Variants in RIN2 observed in about 807,000 individuals in gnomAD.
RIN2 encodes the protein Ras and Rab interactor 2.
Under a neutral mutation model 78.0 loss-of-function variants are expected in RIN2, and 36 were observed. That is an observed-to-expected ratio of 0.46 (90% CI 0.35 to 0.61). The LOEUF (loss-of-function observed/expected upper bound fraction) is 0.61. Ranked by LOEUF, RIN2 falls within the 20% of genes least tolerant of loss-of-function variation. The pLI, the probability that RIN2 is intolerant of heterozygous loss-of-function variation, is 0.00. For synonymous variants in RIN2, 466 were observed against 466.8 expected (o/e 1.00, Z 0.02); for missense variants, 1,087 against 1,159.7 (o/e 0.94, Z 0.91).
intron 2 of RIN2, among the ~76,000 whole-genome samples, chr20:19,828,874 G>A (rs939804457): frequency 4.6e-5 from 7 of 151,938 alleles, no homozygotes; most frequent in East Asian, 1.9e-4. Flanking sequence ...TGGTCCAACC[G>A]GCTACGTCGT....
intron 1 of RIN2, among the ~76,000 whole-genome samples, chr20:19,765,382 T>C (rs947449588): frequency 6.6e-6 from 1 of 152,188 alleles, no homozygotes; most frequent in Non-Finnish European, 1.5e-5. Flanking sequence ...CACTGATCCC[T>C]GGGGTGGCTG....
intron 2 of RIN2, among the ~76,000 whole-genome samples, chr20:19,883,742 G>A (rs1475545034): frequency 1.3e-5 from 2 of 152,100 alleles, no homozygotes; most frequent in African/African-American, 2.4e-5. Context: ...CTTCTGTGGT[G>A]TGGACAAGGT....
At chr20:19,961,804 A>AG (rs2041760517) in intron 6 of RIN2, among the ~76,000 whole-genome samples, 1 of 152,158 alleles carries the variant, frequency 6.6e-6, no homozygotes, top group Admixed American at 6.5e-5. Context: ...CATGGATGCC[A>AG]GGGAAAAACT....
chr20:19,781,520 T>C (rs1600438456), intron 1 of RIN2, among the ~76,000 whole-genome samples: 1 of 152,180 alleles, frequency 6.6e-6, no homozygotes. Flanking sequence ...CCCCGTCTTC[T>C]GGGTTCAAGT....
At chr20:19,822,444 G>A (rs2035953078) in intron 2 of RIN2, among the ~76,000 whole-genome samples, 2 of 152,192 alleles carry the variant, frequency 1.3e-5, no homozygotes, top group African/African-American at 4.8e-5. Flanking sequence ...CAGGAAGTAA[G>A]GAGCTCCAAA....
chr20:19,869,806 T>A (rs2037629868), intron 2 of RIN2, among the ~76,000 whole-genome samples: 1 of 148,980 alleles, frequency 6.7e-6, no homozygotes, highest in African/African-American at 2.5e-5. Context: ...ATTTATTTAT[T>A]TATTTATTTA....
At chr20:19,873,448 AG>A (rs2037753937) in intron 2 of RIN2, among the ~76,000 whole-genome samples, 1 of 152,168 alleles carries the variant, frequency 6.6e-6, no homozygotes, top group Non-Finnish European at 1.5e-5. Flanking sequence ...TTTTCTGGAA[AG>A]GACCAGATAA....
chr20:19,949,726 G>A (rs918072660), intron 4 of RIN2, among the ~76,000 whole-genome samples: 4 of 152,272 alleles, frequency 2.6e-5, no homozygotes, highest in Middle Eastern at 6.8e-3. Flanking sequence ...TGCAAGGGAG[G>A]CTTCATAGCA....
intron 2 of RIN2, among the ~76,000 whole-genome samples, chr20:19,883,420 C>T (rs1600691295): frequency 6.6e-6 from 1 of 151,194 alleles, no homozygotes; most frequent in Admixed American, 6.6e-5. Flanking sequence ...GCTCCCAGCA[C>T]CTTTGACCTC....
chr20:19,887,936 G>A (rs2038269199), intron 2 of RIN2, among the ~76,000 whole-genome samples: 1 of 152,322 alleles, frequency 6.6e-6, no homozygotes, highest in South Asian at 2.1e-4. Context: ...TCCCCAAGGT[G>A]ACAGTGTGGC....
At position 20,001,362 on chromosome 20, in the gene RIN2, CTTTTTTTTTTTTTTT is replaced by C. The variant is rs57852545; in HGVS notation, c.*438_*452del. On this transcript the variant is annotated 3_prime_UTR_variant, in exon 13 of 13. Coordinates refer to ENST00000255006, the MANE Select transcript of RIN2 (RefSeq NM_018993.4). ...CCCTGCCTTCCTTCCTTTCTTTTTC[CTTTTTTTTTTTTTTT>C]TTTTTTTTTTTACAAAGAGCCTTCA... 0.064 allele frequency: 6,021 copies of C among 94,324 alleles called. 203 individuals are homozygous for C. The highest frequency in any genetic ancestry group is 0.24 in the South Asian group (722 of 2,982). The allele number at this position is 94,324 out of a possible 1,614,324, so 5.8% of individuals were successfully genotyped here.
At chr20:19,800,781 C>T (rs910853735) in intron 2 of RIN2, among the ~76,000 whole-genome samples, 2 of 152,222 alleles carry the variant, frequency 1.3e-5, no homozygotes, top group African/African-American at 4.8e-5. Flanking sequence ...TTGTTTTCAG[C>T]TATTTCATTT....
chr20:19,845,917 A>C (rs2036766852), intron 2 of RIN2, among the ~76,000 whole-genome samples: 1 of 152,194 alleles, frequency 6.6e-6, no homozygotes, highest in Admixed American at 6.5e-5. Flanking sequence ...AGGTTTATGA[A>C]AGGGGTCCAG....
chr20:19,767,203 G>A (rs894726161), intron 1 of RIN2, among the ~76,000 whole-genome samples: 1 of 152,200 alleles, frequency 6.6e-6, no homozygotes, highest in African/African-American at 2.4e-5. Context: ...TGGACAAACA[G>A]TCTGATTGAG....
At chr20:19,984,442 C>T (rs2042563846) in intron 9 of RIN2, among the ~76,000 whole-genome samples, 1 of 152,062 alleles carries the variant, frequency 6.6e-6, no homozygotes, top group Non-Finnish European at 1.5e-5. Flanking sequence ...CACGTCTAAA[C>T]ACAGGAAAGG....
chr20:19,987,725 T>G (rs1232685140), intron 9 of RIN2, among the ~76,000 whole-genome samples: 2 of 152,244 alleles, frequency 1.3e-5, no homozygotes, highest in African/African-American at 4.8e-5. Context: ...TTGCACGAGC[T>G]TATTAACACA....
chr20:19,862,804 G>A (rs1421645947), intron 2 of RIN2, among the ~76,000 whole-genome samples: 1 of 152,204 alleles, frequency 6.6e-6, no homozygotes, highest in Non-Finnish European at 1.5e-5. Flanking sequence ...GGTGTTCCCA[G>A]TGCTTGGGAG....
intron 2 of RIN2, chr20:19,889,258 G>A (rs2038331085): frequency 2.9e-6 from 3 of 1,049,276 alleles, no homozygotes; most frequent in Non-Finnish European, 3.4e-6. Flanking sequence ...ATCTAATATT[G>A]GGTCTGTTCA....
chr20:19,873,640 G>C (rs1266660317), intron 2 of RIN2, among the ~76,000 whole-genome samples: 1 of 152,072 alleles, frequency 6.6e-6, no homozygotes, highest in African/African-American at 2.4e-5. Flanking sequence ...GCAGACCCCT[G>C]ATACAGGCAA....
Sources: gnomAD v4.1 joint callset for allele counts (sites outside exome capture counted in the v4.1 genomes callset) on GRCh38, gnomAD v4.1.1 for gene constraint, MANE v1.5 for transcripts, NCBI Gene and HGNC (gene_info 2026-07-23, HGNC 2026-07-21) for gene names.